Variants in UGT2B15 observed in about 807,000 individuals in gnomAD.
UGT2B15 encodes the protein UDP-glucuronosyltransferase 2B15.
A neutral mutation model predicts 45.9 loss-of-function variants in UGT2B15; 36 were observed. The observed-to-expected ratio is 0.78, with a 90% CI of 0.60 to 1.04. UGT2B15 has a LOEUF of 1.04. Ranked by LOEUF, UGT2B15 falls within the 50% of genes least tolerant of loss-of-function variation. The pLI is 0.00. For missense variants in UGT2B15, 617 were observed against 622.4 expected (o/e 0.99, Z 0.09); for synonymous variants, 219 against 216.4 (o/e 1.01, Z -0.11).
intron 5 of UGT2B15, among the ~76,000 whole-genome samples, chr4:68,652,566 T>A (rs953512984): frequency 6.6e-6 from 1 of 151,748 alleles, no homozygotes; most frequent in African/African-American, 2.4e-5. Context: ...CATAATAATA[T>A]TGGTAGGAGT....
intron 3 of UGT2B15, among the ~76,000 whole-genome samples, chr4:68,659,202 A>T (rs1732892241): frequency 6.6e-6 from 1 of 152,014 alleles, no homozygotes; most frequent in Non-Finnish European, 1.5e-5. Context: ...CTCCTCTCTC[A>T]AAGAATGAAG....
chr4:68,650,995 GTT>G (rs376333738), intron 5 of UGT2B15, among the ~76,000 whole-genome samples: 1,648 of 117,586 alleles, frequency 0.014, 13 homozygotes, highest in African/African-American at 0.031. Flanking sequence ...TGATGGTGTT[GTT>G]TTTTTTTTTT....
intron 3 of UGT2B15, 70 bp from the exon 4 acceptor site, chr4:68,655,252 A>G (rs1031002275): frequency 6.5e-7 from 1 of 1,532,082 alleles, no homozygotes; most frequent in Non-Finnish European, 9.0e-7. Context: ...AGAATTCTGA[A>G]GAGATTAATA....
At chr4:68,664,730 C>A (rs1333153204) in intron 2 of UGT2B15, among the ~76,000 whole-genome samples, 4 of 151,986 alleles carry the variant, frequency 2.6e-5, no homozygotes, top group Non-Finnish European at 5.9e-5. Flanking sequence ...CCACGCCTGG[C>A]TAATTTTTCT....
intron 2 of UGT2B15, among the ~76,000 whole-genome samples, chr4:68,663,746 A>C (rs1733034020): frequency 6.8e-6 from 1 of 146,974 alleles, no homozygotes; most frequent in Non-Finnish European, 1.5e-5. Flanking sequence ...TTACCCCACT[A>C]CCCCTCACTG....
intron 5 of UGT2B15, among the ~76,000 whole-genome samples, chr4:68,648,625 A>G (rs1344654424): frequency 1.3e-5 from 2 of 152,110 alleles, no homozygotes; most frequent in Non-Finnish European, 2.9e-5. Flanking sequence ...ATACTATGTG[A>G]CTACCTCAAA....
At chr4:68,661,171 G>T (rs535087384) in intron 3 of UGT2B15, among the ~76,000 whole-genome samples, 8 of 151,918 alleles carry the variant, frequency 5.3e-5, no homozygotes, top group Admixed American at 2.0e-4. Flanking sequence ...AAATGTAAAA[G>T]GAAAATAAGC....
At chr4:68,650,970 C>G (rs1333560706) in intron 5 of UGT2B15, among the ~76,000 whole-genome samples, 12 of 134,244 alleles carry the variant, frequency 8.9e-5, no homozygotes, top group Non-Finnish European at 3.3e-5. Flanking sequence ...CTGTTTATAT[C>G]TTTTGCCCAC....
At chr4:68,666,565 T>C (rs1733125547) in intron 2 of UGT2B15, among the ~76,000 whole-genome samples, 2 of 151,992 alleles carry the variant, frequency 1.3e-5, no homozygotes, top group Non-Finnish European at 2.9e-5. Flanking sequence ...TAAACTCATG[T>C]AAAAGTTCCT....
intron 3 of UGT2B15, among the ~76,000 whole-genome samples, chr4:68,661,542 G>A (rs1258980748): frequency 1.3e-5 from 2 of 151,774 alleles, no homozygotes; most frequent in African/African-American, 2.4e-5. Context: ...ATTAATTTTT[G>A]AGTGATATGA....
At chr4:68,656,245 A>G (rs1732801354) in intron 3 of UGT2B15, among the ~76,000 whole-genome samples, 1 of 152,014 alleles carries the variant, frequency 6.6e-6, no homozygotes, top group Non-Finnish European at 1.5e-5. Context: ...TTCTTTCCTG[A>G]TTCTAGGATG....
chr4:68,652,467 T>C (rs1266421832), intron 5 of UGT2B15, among the ~76,000 whole-genome samples: 1 of 151,628 alleles, frequency 6.6e-6, no homozygotes, highest in East Asian at 1.9e-4. Context: ...TTTCTTACTT[T>C]TTTTGAAGTA....
intron 3 of UGT2B15, among the ~76,000 whole-genome samples, chr4:68,662,107 A>G (rs1414372984): frequency 6.6e-6 from 1 of 152,086 alleles, no homozygotes. Flanking sequence ...ACTTGTATAG[A>G]TCATTCAGAG....
chr4:68,656,276 G>C (rs1160744514), intron 3 of UGT2B15, among the ~76,000 whole-genome samples: 3 of 152,012 alleles, frequency 2.0e-5, no homozygotes, highest in Non-Finnish European at 4.4e-5. Context: ...GTTTTGGCCT[G>C]AAACCCATCC....
intron 5 of UGT2B15, among the ~76,000 whole-genome samples, chr4:68,650,334 G>T (rs1266962442): frequency 1.3e-5 from 2 of 151,824 alleles, no homozygotes; most frequent in Non-Finnish European, 2.9e-5. Context: ...GGTGTGTGTT[G>T]TTCCCCTCCC....
At chr4:68,647,675 A>G (rs1200090169) in intron 5 of UGT2B15, among the ~76,000 whole-genome samples, 7 of 152,070 alleles carry the variant, frequency 4.6e-5, no homozygotes, top group African/African-American at 7.2e-5. Context: ...TATAAGTAAG[A>G]TAGTGGAAAT....
rs759605240 is a variant in UGT2B15, at chr4:68,647,280, C to T, written c.1417G>A (p.Gly473Arg). ...FWIEFVMRHKGAKHLRVAAHN... is the reference protein window; with the variant it reads ...FWIEFVMRHKRAKHLRVAAHN... The stretch of plus-strand genomic sequence containing the variant: ...GCTGCGACTCGAAGGTGCTTGGCTC[C>T]TTTGTGGCGCATGACAAACTCAATC... The change falls in exon 6 of 6, where the codon GGA becomes AGA. Residue 473 changes from glycine to arginine, a missense_variant. Around this residue, in one of 3 missense-constraint regions of UGT2B15, gnomAD observed 265 missense variants for 245.1 expected, o/e 1.08. Transcript: ENST00000338206. 6.2e-7 allele frequency: 1 copy of T among 1,613,926 alleles called. No individual in the cohort carries two copies. Among genetic ancestry groups the T allele is most frequent in the Non-Finnish European group, 8.5e-7 (1 of 1,179,908 alleles).
rs769764708 is a variant in UGT2B15, at chr4:68,670,435, T to C, written c.184A>G (p.Thr62Ala). 5.6e-6 allele frequency: 9 copies of C among 1,613,858 alleles called. No homozygotes were observed. The highest frequency in any genetic ancestry group is 1.7e-4 in the Middle Eastern group (1 of 6,042). ...GATGATTTACTGGCATTGACAAGAG[T>C]AGAAGCCGAAGATGTCAACACAGTC... ...EVTVLTSSAS[T>A]LVNASKSSAI... Residue 62 changes from threonine (T) to alanine (A), a missense_variant, in exon 1 of 6, where the codon ACT (threonine) becomes GCT (alanine). By Grantham distance (58) the Thr-to-Ala change is moderately conservative. Coordinates refer to ENST00000338206, the MANE Select transcript of UGT2B15 (RefSeq NM_001076.4).
intron 2 of UGT2B15, among the ~76,000 whole-genome samples, chr4:68,665,122 G>A (rs1289099323): frequency 2.6e-5 from 4 of 152,044 alleles, no homozygotes; most frequent in African/African-American, 4.8e-5. Context: ...ATCAATGTAA[G>A]TAGTTTTATA....
Sources: gnomAD v4.1 joint callset for allele counts (sites outside exome capture counted in the v4.1 genomes callset) on GRCh38, gnomAD v4.1.1 for gene constraint, gnomAD v4.1.1 regional missense constraint, MANE v1.5 for transcripts, NCBI Gene and HGNC (gene_info 2026-07-23, HGNC 2026-07-21) for gene names.